The following LHFPL6 variants were observed in gnomAD, a reference collection of about 807,000 sequenced individuals.
LHFPL6 encodes the protein LHFPL tetraspan subfamily member 6 protein.
In LHFPL6, 9 loss-of-function variants were observed where a neutral mutation model predicts 20.6. The observed-to-expected ratio is 0.44, with a 90% confidence interval of 0.26 to 0.76. The LOEUF (loss-of-function observed/expected upper bound fraction) is 0.76. LHFPL6 is among the 30% of genes least tolerant of loss of function. The probability of loss-of-function intolerance (pLI) is 0.20; values close to 1 mark genes in which losing one functional copy is unlikely to be tolerated. For synonymous variants in LHFPL6, 105 were observed against 98.7 expected, an observed-to-expected ratio of 1.06 and a Z score of -0.38; for missense variants, 218 against 253.5, an observed-to-expected ratio of 0.86 and a Z score of 0.95.
chr13:39,367,346 T>C (rs753522869), intron 3 of LHFPL6, among the ~76,000 whole-genome samples: 11 of 152,174 alleles, frequency 7.2e-5, no homozygotes, highest in Non-Finnish European at 1.3e-4. Context: ...CCTGAACATG[T>C]ATCCCCTGAA....
intron 2 of LHFPL6, among the ~76,000 whole-genome samples, chr13:39,575,811 A>ACAGCC (rs1409523804): frequency 1.3e-5 from 2 of 152,144 alleles, no homozygotes; most frequent in Non-Finnish European, 2.9e-5. Flanking sequence ...TAACCACAGG[A>ACAGCC]CAGCCCTGGT....
chr13:39,473,278 C>T (rs1872994269), intron 2 of LHFPL6, among the ~76,000 whole-genome samples: 1 of 150,684 alleles, frequency 6.6e-6, no homozygotes, highest in East Asian at 1.9e-4. Context: ...CTTTAAGAAC[C>T]AAAGTTCTCC....
rs992334644 is a variant in LHFPL6, at chr13:39,601,144, C to T, written c.73G>A (p.Val25Met). ...LSFLCAATSC[V>M]GFFMPYWLWG... ...AGCCAGTAAGGCATAAAGAACCCCA[C>T]GCAGGAGGTGGCAGCACAAAGAAAA... is the stretch of plus-strand genomic sequence containing the variant. Residue 25 changes from valine (V) to methionine (M), a missense_variant, in exon 2 of 4, where the codon GTG (valine) becomes ATG (methionine). Val to Met is a conservative substitution (Grantham distance 21, BLOSUM62 1). Transcript: ENST00000379589. The T allele has an allele frequency of 3.1e-6, 5 of 1,614,102 alleles. No homozygotes were observed. Among genetic ancestry groups the T allele is most frequent in the Admixed American group, 1.7e-5 (1 of 60,020 alleles).
intron 2 of LHFPL6, among the ~76,000 whole-genome samples, chr13:39,380,717 T>G (rs1870416159): frequency 6.6e-6 from 1 of 152,082 alleles, no homozygotes; most frequent in Non-Finnish European, 1.5e-5. Context: ...GATCTAGAAC[T>G]CCTGACCACA....
chr13:39,601,352 G>A lies in LHFPL6; in HGVS notation c.-136C>T, dbSNP rs2138558242. On this transcript the variant is annotated 5_prime_UTR_variant, in exon 2 of 4. Transcript: ENST00000379589. ...CAGAATGGATCTTCAGTCTTACTGG[G>A]CATCAACTTTCCATCCTCTGCACTA... The A allele has an allele frequency of 1.2e-6, 1 of 813,524 alleles. No individual in the cohort carries two copies. 50.4% of individuals were successfully genotyped at this position (813,524 alleles called of 1,614,324 possible). A position where few individuals can be genotyped will look rare whatever the true frequency, so the allele number is the denominator to read the frequency against.
At chr13:39,512,324 T>C (rs1869737872) in intron 2 of LHFPL6, among the ~76,000 whole-genome samples, 2 of 152,236 alleles carry the variant, frequency 1.3e-5, no homozygotes, top group South Asian at 4.1e-4. Flanking sequence ...CAGACCAGGC[T>C]GGGTGCGGTG....
At position 39,523,373 on chromosome 13, in the gene LHFPL6, T is replaced by G. The variant is rs567044364; in HGVS notation, c.385+77459A>C. ...TCACGAGGTCAGGAGATGGAGACCATCCTGGCTAACACGGTGAAACCCCGT... is the reference window on the plus strand; with the variant it reads ...TCACGAGGTCAGGAGATGGAGACCAGCCTGGCTAACACGGTGAAACCCCGT... On this transcript the variant is annotated intron_variant, in intron 2 of 3. Transcript: ENST00000379589. Among the ~76,000 whole-genome samples, 5 of 152,106 alleles carry G rather than the reference T, an allele frequency of 3.3e-5. No individual in the cohort carries two copies. In the South Asian group the frequency reaches 1.0e-3, roughly 32 times the overall value.
At chr13:39,413,281 A>T (rs898181876) in intron 2 of LHFPL6, among the ~76,000 whole-genome samples, 12 of 152,218 alleles carry the variant, frequency 7.9e-5, no homozygotes, top group African/African-American at 2.9e-4. Context: ...TTTTATGCCA[A>T]TTCTTCAGAG....
At chr13:39,412,817 G>A (rs1253571824) in intron 2 of LHFPL6, among the ~76,000 whole-genome samples, 1 of 152,044 alleles carries the variant, frequency 6.6e-6, no homozygotes, top group African/African-American at 2.4e-5. Context: ...CAGCTACTCG[G>A]GAGGCTGAGG....
chr13:39,516,122 C>T (rs1454195812), intron 2 of LHFPL6, among the ~76,000 whole-genome samples: 1 of 152,200 alleles, frequency 6.6e-6, no homozygotes, highest in African/African-American at 2.4e-5. Context: ...CTGGAATAGT[C>T]TCCTAGCTGG....
chr13:39,344,378 A>G (rs1052568924), intron 3 of LHFPL6, among the ~76,000 whole-genome samples: 1 of 152,190 alleles, frequency 6.6e-6, no homozygotes, highest in Non-Finnish European at 1.5e-5. Flanking sequence ...ATTGTAACTT[A>G]CATCACCCAA....
intron 3 of LHFPL6, among the ~76,000 whole-genome samples, chr13:39,355,426 C>G (rs542933165): frequency 2.7e-4 from 41 of 152,242 alleles, no homozygotes; most frequent in African/African-American, 9.4e-4. Flanking sequence ...CCTGATACCA[C>G]AAAAACACAT....
intron 2 of LHFPL6, among the ~76,000 whole-genome samples, chr13:39,405,062 T>C (rs960279469): frequency 1.3e-5 from 2 of 152,168 alleles, no homozygotes; most frequent in Non-Finnish European, 2.9e-5. Flanking sequence ...ATATGTAACA[T>C]AAGAGAGCTG....
At position 39,361,311 on chromosome 13, in the gene LHFPL6, T is replaced by A. The variant is rs1438676934; in HGVS notation, c.484+17117A>T. On this transcript the variant is annotated intron_variant, in intron 3 of 3. Coordinates refer to ENST00000379589, the MANE Select transcript of LHFPL6 (RefSeq NM_005780.3). The stretch of plus-strand genomic sequence containing the variant: ...TTTTGAGCCTCTGAAGAATTTTTTT[T>A]AATTTTTTTTATTTTTTTTTATTTT... 3.5e-5 allele frequency among the ~76,000 whole-genome samples: 3 copies of A among 86,820 alleles called. 1 individual carries two copies. The highest frequency in any genetic ancestry group is 9.7e-5 in the African/African-American group (3 of 31,084). 57.0% of individuals were successfully genotyped at this position (86,820 alleles called of 152,430 possible).
At chr13:39,557,536 G>C (rs1341822403) in intron 2 of LHFPL6, among the ~76,000 whole-genome samples, 1 of 152,260 alleles carries the variant, frequency 6.6e-6, no homozygotes, top group African/African-American at 2.4e-5. Context: ...TGTGGCAAGG[G>C]GGCTGCCGCC....
chr13:39,409,060 T>C (rs1871189056), intron 2 of LHFPL6, among the ~76,000 whole-genome samples: 1 of 152,226 alleles, frequency 6.6e-6, no homozygotes. Flanking sequence ...AGCAGGTAAC[T>C]TTGACATCAC....
At chr13:39,473,084 C>T (rs1453637782) in intron 2 of LHFPL6, among the ~76,000 whole-genome samples, 1 of 152,052 alleles carries the variant, frequency 6.6e-6, no homozygotes, top group African/African-American at 2.4e-5. Flanking sequence ...GGAGCACTCA[C>T]AGAACCCTCA....
intron 2 of LHFPL6, among the ~76,000 whole-genome samples, chr13:39,457,494 T>C (rs951578444): frequency 2.0e-5 from 3 of 152,140 alleles, no homozygotes; most frequent in Non-Finnish European, 2.9e-5. Context: ...CTGGAAAGGA[T>C]GTGGAGCAAG....
At chr13:39,520,511 TAA>T (rs1221692734) in intron 2 of LHFPL6, among the ~76,000 whole-genome samples, 9 of 151,908 alleles carry the variant, frequency 5.9e-5, no homozygotes, top group Non-Finnish European at 1.3e-4. Context: ...ATGTAAAAAA[TAA>T]AAAAGAGTCC....
Sources: allele counts gnomAD v4.1 joint callset (sites outside exome capture counted in the v4.1 genomes callset), GRCh38; gene constraint gnomAD v4.1.1; transcripts MANE v1.5; gene names NCBI Gene and HGNC (gene_info 2026-07-23, HGNC 2026-07-21).